The following SUPT7L variants were observed in gnomAD, a reference collection of about 807,000 sequenced individuals.
The protein encoded by SUPT7L is SPT7 like, STAGA complex subunit gamma, also known as STAGA complex 65 subunit gamma.
A neutral mutation model predicts 35.7 loss-of-function variants in SUPT7L; 15 were observed. That is an observed-to-expected ratio of 0.42 (90% CI 0.28 to 0.65). The LOEUF (loss-of-function observed/expected upper bound fraction) is 0.65. SUPT7L is among the 30% of genes least tolerant of loss of function. SUPT7L has a pLI of 0.23. For synonymous variants in SUPT7L, 168 were observed against 186.2 expected, an observed-to-expected ratio of 0.90 and a Z score of 0.79; for missense variants, 434 against 522.2, an observed-to-expected ratio of 0.83 and a Z score of 1.65.
chr2:27,654,721 C>A (rs772409508), intron 5 of SUPT7L, among the ~76,000 whole-genome samples: 20 of 152,286 alleles, frequency 1.3e-4, no homozygotes, highest in Admixed American at 7.2e-4. Context: ...TGCCCACCAC[C>A]ACGCCCAGCA....
At position 27,661,027 on chromosome 2, in the gene SUPT7L, G is replaced by A. The variant is rs751048846; in HGVS notation, c.376C>T (p.Pro126Ser). 6.2e-7 allele frequency: 1 copy of A among 1,614,178 alleles called. No homozygotes were observed. Among genetic ancestry groups the A allele is most frequent in the Admixed American group, 1.7e-5 (1 of 60,018 alleles). ...LPLDCKNPNA[P>S]FQIRHSDPES... ...GGGTCACTGTGCCGGATCTGGAATG[G>A]TGCATTGGGATTCTTACAATCTAAA... The change falls in exon 3 of 6, where the codon CCA becomes TCA. Residue 126 changes from proline (P) to serine (S), a missense_variant. By Grantham distance (74) the Pro-to-Ser change is moderately conservative. Transcript: ENST00000337768.
At chr2:27,647,876 G>A (rs1674315325), downstream of SUPT7L, 5 of 1,613,770 alleles carry the variant, frequency 3.1e-6, no homozygotes, top group Non-Finnish European at 4.2e-6. Context: ...ATTTGATCCT[G>A]ACTCGAGGAA....
chr2:27,660,865 A>G (rs888917413), intron 3 of SUPT7L, 119 bp downstream of exon 3: 2 of 1,347,446 alleles, frequency 1.5e-6, no homozygotes, highest in Admixed American at 2.9e-5. Context: ...AACCTTGGCC[A>G]AGTCAATTAC....
At chr2:27,655,671 TC>T in intron 4 of SUPT7L, 69 bp from the exon 5 acceptor site, 1 of 1,352,912 alleles carries the variant, frequency 7.4e-7, no homozygotes, top group Non-Finnish European at 1.0e-6. Context: ...GCTTGTGACG[TC>T]CCATGGAAAA....
At chr2:27,646,102 C>T (rs536507889), downstream of SUPT7L, among the ~76,000 whole-genome samples, 7 of 150,720 alleles carry the variant, frequency 4.6e-5, no homozygotes, top group Admixed American at 2.0e-4. Flanking sequence ...AGTGCAATGG[C>T]GCGATCTCGG....
intron 5 of SUPT7L, among the ~76,000 whole-genome samples, chr2:27,654,190 A>C (rs1674688841): frequency 6.6e-6 from 1 of 152,146 alleles, no homozygotes; most frequent in South Asian, 2.1e-4. Flanking sequence ...ATGAAAAGTT[A>C]ATGGTCACTA....
chr2:27,647,140 G>C (rs1400593206), downstream of SUPT7L, among the ~76,000 whole-genome samples: 1 of 152,158 alleles, frequency 6.6e-6, no homozygotes, highest in African/African-American at 2.4e-5. Context: ...TGAGATTTGT[G>C]CCAGTTGATG....
downstream of SUPT7L, among the ~76,000 whole-genome samples, chr2:27,648,691 A>G (rs1217688190): frequency 6.6e-6 from 1 of 152,206 alleles, no homozygotes; most frequent in African/African-American, 2.4e-5. Context: ...GCTGGAGTGC[A>G]GTGGCACGAT....
chr2:27,642,958 T>TATATACACACACACAC, the SUPT7L span, among the ~76,000 whole-genome samples: 6 of 122,610 alleles, frequency 4.9e-5, no homozygotes, highest in Admixed American at 9.2e-5. Context: ...TATATATATA[T>TATATACACACACACAC]ACACACACAC....
chr2:27,661,277 G>A lies in SUPT7L; in HGVS notation c.126C>T (p.Pro42=). The A allele has an allele frequency of 1.2e-6, 2 of 1,613,734 alleles. No homozygotes were observed. Among genetic ancestry groups the A allele is most frequent in the South Asian group, 1.1e-5 (1 of 91,054 alleles). Residue 42 remains proline, a synonymous_variant, in exon 3 of 6, where the codon CCC becomes CCT. Coordinates refer to ENST00000337768, the MANE Select transcript of SUPT7L (RefSeq NM_014860.3). ...TGGGGGGCTTCGGCTTGTTGGCTGA[G>A]GGTTGGTGCAGGGGTGGGTCATGGA... ...VEVHDPPLHQ[P]SANKPKPPTM...
the SUPT7L span, among the ~76,000 whole-genome samples, chr2:27,642,954 T>TACACACACACACACACACACAC: frequency 1.5e-4 from 7 of 46,842 alleles, no homozygotes; most frequent in Admixed American, 6.9e-4. Context: ...TATATATATA[T>TACACACACACACACACACACAC]ATATACACAC....
intron 5 of SUPT7L, 38 bp from the exon 6 acceptor site, chr2:27,653,785 T>A: frequency 6.2e-7 from 1 of 1,612,780 alleles, no homozygotes; most frequent in Non-Finnish European, 8.5e-7. Flanking sequence ...ACCAAGTGTA[T>A]ATGTGTAGCC....
At chr2:27,642,958 T>TATATATACAC in the SUPT7L span, among the ~76,000 whole-genome samples, 4 of 122,610 alleles carry the variant, frequency 3.3e-5, no homozygotes, top group Non-Finnish European at 6.7e-5. Flanking sequence ...TATATATATA[T>TATATATACAC]ACACACACAC....
intron 4 of SUPT7L, 35 bp from the exon 5 acceptor site, chr2:27,655,637 T>C (rs1207976318): frequency 1.3e-6 from 2 of 1,530,874 alleles, no homozygotes; most frequent in Non-Finnish European, 1.8e-6. Flanking sequence ...TCCAAGGAAA[T>C]GTTAAAAGCA....
At position 27,663,370 on chromosome 2, in the gene SUPT7L, C is replaced by A; in HGVS notation, c.-131G>T. On this transcript the variant is annotated 5_prime_UTR_variant, in exon 1 of 6. Transcript: ENST00000337768. The stretch of plus-strand genomic sequence containing the variant: ...AACAGGCACGGAGCCCAAGGAATGC[C>A]CAAGTCCCTCCAGGGGTTTCCTCGG... 1 of 199,492 alleles carries A rather than the reference C, an allele frequency of 5.0e-6. No homozygotes were observed. Among genetic ancestry groups the A allele is most frequent in the South Asian group, 8.5e-5 (1 of 11,748 alleles). The allele number at this position is 199,492 out of a possible 1,614,324, so 12.4% of individuals were successfully genotyped here.
rs192970925 is a variant in SUPT7L, at chr2:27,655,606, T to C, written c.745-4A>G. ...CTTCAGAGAGTTGCTTACTAATCTG[T>C]TGGCAAGCAAGAGTCAATTTTCCAA... On this transcript the variant is annotated splice_polypyrimidine_tract_variant and splice_region_variant and intron_variant, in intron 4 of 5. Transcript: ENST00000337768. The C allele has an allele frequency of 4.3e-5, 67 of 1,564,948 alleles. No homozygotes were observed. Among genetic ancestry groups the C allele is most frequent in the East Asian group, 2.3e-5 (1 of 43,640 alleles).
chr2:27,656,489 C>T (rs2148114042), intron 4 of SUPT7L, among the ~76,000 whole-genome samples: 1 of 152,254 alleles, frequency 6.6e-6, no homozygotes, highest in South Asian at 2.1e-4. Context: ...GTTGCCCAGG[C>T]TGGTCTTAAA....
intron 2 of SUPT7L, chr2:27,661,963 T>C (rs1474232265): frequency 9.3e-6 from 6 of 646,142 alleles, no homozygotes; most frequent in Non-Finnish European, 1.0e-5. Context: ...GGCATTATGC[T>C]TTCAACTTTT....
the SUPT7L span, among the ~76,000 whole-genome samples, chr2:27,644,970 T>C: frequency 2.0e-5 from 3 of 152,176 alleles, no homozygotes; most frequent in African/African-American, 7.2e-5. Flanking sequence ...GGACTGTTTA[T>C]TTATTTATTT....
Sources: gnomAD v4.1 joint callset for allele counts (sites outside exome capture counted in the v4.1 genomes callset) on GRCh38, gnomAD v4.1.1 for gene constraint, MANE v1.5 for transcripts, NCBI Gene and HGNC (gene_info 2026-07-23, HGNC 2026-07-21) for gene names.